The following NRG3 variants were observed in gnomAD, a reference collection of about 807,000 sequenced individuals.
NRG3 encodes the protein neuregulin 3.
NRG3 carries 31 observed loss-of-function variants against 66.9 expected under a neutral mutation model. The observed-to-expected ratio is 0.46, with a 90% CI of 0.35 to 0.63. The LOEUF is 0.63. Among genes scored for constraint, NRG3 ranks in the 20% least tolerant of loss-of-function variants. NRG3 has a pLI of 0.00. For synonymous variants in NRG3, 393 were observed against 359.4 expected (o/e 1.09, Z -1.06); for missense variants, 910 against 878.9 (o/e 1.04, Z -0.45).
intron 2 of NRG3, among the ~76,000 whole-genome samples, chr10:82,506,549 T>C (rs201538330): frequency 6.6e-6 from 1 of 151,970 alleles, no homozygotes; most frequent in Non-Finnish European, 1.5e-5. Flanking sequence ...CCTTCCTCCT[T>C]TTCCTCTCTT....
chr10:82,667,580 A>T (rs1422925164), intron 2 of NRG3, among the ~76,000 whole-genome samples: 1 of 152,168 alleles, frequency 6.6e-6, no homozygotes, highest in Non-Finnish European at 1.5e-5. Flanking sequence ...TAATGACGAA[A>T]GGAGAGGAGA....
intron 4 of NRG3, among the ~76,000 whole-genome samples, chr10:82,880,653 C>G (rs1842222680): frequency 6.6e-6 from 1 of 152,162 alleles, no homozygotes; most frequent in African/African-American, 2.4e-5. Context: ...AGGGCCATAA[C>G]TACACTCAAC....
chr10:82,268,621 T>C (rs2078428452), intron 1 of NRG3, among the ~76,000 whole-genome samples: 11 of 152,144 alleles, frequency 7.2e-5, no homozygotes, highest in Admixed American at 7.2e-4. Context: ...CCAAGTGTCA[T>C]TGGGCCAATG....
At chr10:82,307,514 G>T (rs1310688406) in intron 1 of NRG3, among the ~76,000 whole-genome samples, 2 of 152,226 alleles carry the variant, frequency 1.3e-5, no homozygotes, top group South Asian at 2.1e-4. Context: ...AATTCGGAAA[G>T]ATATATTTTG....
chr10:82,108,014 A>G (rs2067172347), intron 1 of NRG3, among the ~76,000 whole-genome samples: 1 of 152,146 alleles, frequency 6.6e-6, no homozygotes, highest in Non-Finnish European at 1.5e-5. Flanking sequence ...TACTTTGGCA[A>G]TTTGCTCTTT....
intron 2 of NRG3, among the ~76,000 whole-genome samples, chr10:82,437,918 C>T (rs111606076): frequency 1.4e-3 from 219 of 152,240 alleles, no homozygotes; most frequent in African/African-American, 4.9e-3. Flanking sequence ...AAGATGGGTA[C>T]CTTTTCCTTC....
At chr10:82,208,455 T>C (rs754900293) in intron 1 of NRG3, among the ~76,000 whole-genome samples, 29 of 152,282 alleles carry the variant, frequency 1.9e-4, no homozygotes, top group Non-Finnish European at 2.4e-4. Flanking sequence ...CTGGAGCACA[T>C]GGGGACTATG....
chr10:82,109,810 C>A (rs1337225995), intron 1 of NRG3, among the ~76,000 whole-genome samples: 1 of 152,068 alleles, frequency 6.6e-6, no homozygotes, highest in Non-Finnish European at 1.5e-5. Flanking sequence ...GTACTAGTAT[C>A]CCCATGCAGC....
intron 1 of NRG3, among the ~76,000 whole-genome samples, chr10:82,020,888 TA>T (rs1264055182): frequency 6.6e-6 from 1 of 152,134 alleles, no homozygotes; most frequent in Non-Finnish European, 1.5e-5. Context: ...CTTTTGGCTT[TA>T]AGTGCAGAGA....
At chr10:82,060,811 C>T (rs1272259544) in intron 1 of NRG3, among the ~76,000 whole-genome samples, 1 of 152,156 alleles carries the variant, frequency 6.6e-6, no homozygotes, top group Non-Finnish European at 1.5e-5. Context: ...ATTGCCTCTA[C>T]TCAACCTCTT....
At chr10:82,426,750 C>T (rs1196274980) in intron 2 of NRG3, among the ~76,000 whole-genome samples, 1 of 151,680 alleles carries the variant, frequency 6.6e-6, no homozygotes, top group Non-Finnish European at 1.5e-5. Context: ...TCTCCAGCCT[C>T]AGCCTCCTGA....
intron 1 of NRG3, among the ~76,000 whole-genome samples, chr10:82,318,922 G>C (rs114995599): frequency 4.3e-4 from 66 of 152,092 alleles, no homozygotes; most frequent in African/African-American, 1.5e-3. Flanking sequence ...ATGCCTCTTG[G>C]GAAAAGTAAC....
chr10:82,740,181 TTTCCTCCC>T (rs925210175), intron 3 of NRG3, among the ~76,000 whole-genome samples: 1 of 151,418 alleles, frequency 6.6e-6, no homozygotes, highest in Non-Finnish European at 1.5e-5. Flanking sequence ...CCTTTCCCCC[TTTCCTCCC>T]TTCCTCCCTT....
rs548721224 is a variant in NRG3, at chr10:82,966,513, T to G, written c.1285-7275T>G. Reference sequence around the variant, plus strand: ...GATTTATTATTATTGAAGTTTACCTTATCATCTGTCTGAGGTAATATTTGC... The same window carrying G: ...GATTTATTATTATTGAAGTTTACCTGATCATCTGTCTGAGGTAATATTTGC... On this transcript the variant is annotated intron_variant, in intron 6 of 8. Coordinates refer to ENST00000372141, the MANE Select transcript of NRG3 (RefSeq NM_001010848.4). 1.2e-4 allele frequency among the ~76,000 whole-genome samples: 18 copies of G among 152,320 alleles called. 1 individual carries two copies. In the South Asian group the frequency reaches 3.3e-3, roughly 28 times the overall value.
chr10:82,476,892 GT>G (rs1156606154), intron 2 of NRG3, among the ~76,000 whole-genome samples: 3 of 152,012 alleles, frequency 2.0e-5, no homozygotes, highest in Non-Finnish European at 2.9e-5. Context: ...AAATAGTAAA[GT>G]TTTTTGAAAA....
intron 4 of NRG3, 101 bp downstream of exon 4, chr10:82,865,538 A>G: frequency 8.3e-7 from 1 of 1,206,228 alleles, no homozygotes; most frequent in Admixed American, 2.2e-5. Flanking sequence ...GAAATGTCTC[A>G]TTATCAGATG....
intron 1 of NRG3, among the ~76,000 whole-genome samples, chr10:82,189,316 G>T (rs1013161716): frequency 6.6e-6 from 1 of 152,150 alleles, no homozygotes; most frequent in East Asian, 1.9e-4. Flanking sequence ...TCAAAATTTT[G>T]TCTCTTTTCT....
intron 2 of NRG3, among the ~76,000 whole-genome samples, chr10:82,432,464 T>G (rs2089880569): frequency 6.8e-6 from 1 of 148,118 alleles, no homozygotes; most frequent in Non-Finnish European, 1.5e-5. Flanking sequence ...CCATTGCATA[T>G]ATACACCACA....
chr10:82,737,377 A>G (rs528735163), intron 2 of NRG3, among the ~76,000 whole-genome samples: 8 of 152,306 alleles, frequency 5.3e-5, no homozygotes, highest in Non-Finnish European at 1.2e-4. Context: ...TCCCCTTGCA[A>G]TAGACCTTAT....
Sources: gnomAD v4.1 joint callset for allele counts (sites outside exome capture counted in the v4.1 genomes callset) on GRCh38, gnomAD v4.1.1 for gene constraint, MANE v1.5 for transcripts, NCBI Gene and HGNC (gene_info 2026-07-23, HGNC 2026-07-21) for gene names.